Variants in NPC1 observed in about 807,000 individuals in gnomAD.
The protein encoded by NPC1 is Niemann-Pick C1 protein.
A neutral mutation model predicts 140.4 loss-of-function variants in NPC1; 85 were observed. The ratio of observed to expected loss-of-function variants is 0.61; its 90% CI spans 0.51 to 0.72. The LOEUF (loss-of-function observed/expected upper bound fraction) is 0.72, where lower values mean the gene tolerates loss of function less well. NPC1 is among the 30% of genes least tolerant of loss of function. The pLI is 0.00. For missense variants in NPC1, 1,504 were observed against 1,623.8 expected, an observed-to-expected ratio of 0.93 and a Z score of 1.27; for synonymous variants, 656 against 624.8, an observed-to-expected ratio of 1.05 and a Z score of -0.74.
At chr18:23,542,069 G>A (rs958058475) in intron 14 of NPC1, among the ~76,000 whole-genome samples, 1 of 152,070 alleles carries the variant, frequency 6.6e-6, no homozygotes, top group Non-Finnish European at 1.5e-5. Context: ...CACAGACCTT[G>A]TAGCACTGGG....
intron 3 of NPC1, chr18:23,516,063 A>G: frequency 6.2e-7 from 1 of 1,605,494 alleles, no homozygotes; most frequent in Non-Finnish European, 8.5e-7. Context: ...TAGCATCCTA[A>G]TGTGTCAGGC....
intron 1 of NPC1, among the ~76,000 whole-genome samples, chr18:23,579,100 T>C (rs1269260335): frequency 6.6e-6 from 1 of 152,230 alleles, no homozygotes; most frequent in African/African-American, 2.4e-5. Flanking sequence ...CCTATCACTC[T>C]AACTGCCTAC....
At chr18:23,566,954 TG>T (rs1461147940) in intron 4 of NPC1, among the ~76,000 whole-genome samples, 1 of 152,242 alleles carries the variant, frequency 6.6e-6, no homozygotes, top group Non-Finnish European at 1.5e-5. Context: ...AGATTGGCTT[TG>T]CTTAGTAATA....
intron 10 of NPC1, among the ~76,000 whole-genome samples, chr18:23,549,014 A>ACT (rs2058829341): frequency 6.6e-6 from 1 of 152,098 alleles, no homozygotes; most frequent in African/African-American, 2.4e-5. Flanking sequence ...GACTTGAACT[A>ACT]CTGGGCTCAA....
chr18:23,539,263 G>A (rs2058677054), intron 19 of NPC1, 92 bp downstream of exon 19: 8 of 810,850 alleles, frequency 9.9e-6, no homozygotes, highest in Non-Finnish European at 8.5e-6. Context: ...TATACAAATA[G>A]GTATAAACTG....
intron 9 of NPC1, among the ~76,000 whole-genome samples, chr18:23,552,021 A>AG (rs1407418307): frequency 1.3e-5 from 2 of 152,216 alleles, no homozygotes; most frequent in African/African-American, 4.8e-5. Flanking sequence ...CAAGAGGAAG[A>AG]GACTGTACAG....
chr18:23,567,355 CGTT>C (rs1469780240), intron 4 of NPC1, among the ~76,000 whole-genome samples: 3 of 152,098 alleles, frequency 2.0e-5, no homozygotes, highest in Non-Finnish European at 2.9e-5. Flanking sequence ...AGTGGTATCT[CGTT>C]GTTTTAATTT....
At position 23,539,871 on chromosome 18, in the gene NPC1, A is replaced by G. The variant is rs781705801; in HGVS notation, c.2735T>C (p.Met912Thr). The change falls in exon 18 of 25, where the codon ATG becomes ACG. Residue 912 changes from methionine to threonine, a missense_variant. Physicochemically the swap from Met to Thr is moderately conservative, Grantham distance 81. Transcript: ENST00000269228. Reference protein sequence around the residue: ...SKGQNMVCGGMGCNNDSLVQQ... With the variant: ...SKGQNMVCGGTGCNNDSLVQQ... The stretch of plus-strand genomic sequence containing the variant: ...CACCAGGGAATCATTGTTGCAGCCC[A>G]TGCCGCCGCACACCATGTTCTGCCC... 1 of 1,614,230 alleles carries G rather than the reference A, an allele frequency of 6.2e-7. No individual in the cohort carries two copies. Among genetic ancestry groups the G allele is most frequent in the Admixed American group, 1.7e-5 (1 of 60,030 alleles).
In NPC1 at chr18:23,531,862, A is replaced by G. The variant is rs2058521816; in HGVS notation, c.*340T>C. 2 of 1,449,200 alleles carry G rather than the reference A, an allele frequency of 1.4e-6. No homozygotes were observed. Among genetic ancestry groups the G allele is most frequent in the Admixed American group, 2.8e-5 (1 of 35,852 alleles). The allele number at this position is 1,449,200 out of a possible 1,614,324, so 89.8% of individuals were successfully genotyped here. A position where few individuals can be genotyped will look rare whatever the true frequency, so the allele number is the denominator to read the frequency against. ...TGTGGGATGGCTTACTCCTAAAAGG[A>G]GAGACAGACAGTGCATTGATTGGCC... On this transcript the variant is annotated 3_prime_UTR_variant, in exon 25 of 25. Coordinates refer to ENST00000269228, the MANE Select transcript of NPC1 (RefSeq NM_000271.5).
chr18:23,533,551 T>C (rs780319753), intron 23 of NPC1, 34 bp from the exon 24 acceptor site: 1 of 1,602,414 alleles, frequency 6.2e-7, no homozygotes, highest in South Asian at 1.1e-5. Context: ...GAAACCACTT[T>C]TACCAACCTG....
chr18:23,566,269 T>A (rs1022751424), intron 4 of NPC1, among the ~76,000 whole-genome samples: 2 of 152,056 alleles, frequency 1.3e-5, no homozygotes, highest in Non-Finnish European at 2.9e-5. Context: ...TGGTAGCATA[T>A]GCCTGTGGTT....
chr18:23,520,407 G>A, downstream of NPC1: 1 of 1,029,380 alleles, frequency 9.7e-7, no homozygotes, highest in Non-Finnish European at 1.5e-6. Flanking sequence ...AAAGTGGAGT[G>A]AGGAATAAAC....
Position 23,531,848 on chromosome 18 carries a change from T to TAG in NPC1, c.*353_*354insCT, listed in dbSNP as rs1231924701. 1.2e-5 allele frequency: 18 copies of TAG among 1,459,096 alleles called. No homozygotes were observed. Among genetic ancestry groups the TAG allele is most frequent in the Non-Finnish European group, 1.5e-5 (17 of 1,114,468 alleles). The allele number at this position is 1,459,096 out of a possible 1,614,324, so 90.4% of individuals were successfully genotyped here. A position where few individuals can be genotyped will look rare whatever the true frequency, so the allele number is the denominator to read the frequency against. On this transcript the variant is annotated 3_prime_UTR_variant, in exon 25 of 25. Coordinates refer to ENST00000269228, the MANE Select transcript of NPC1 (RefSeq NM_000271.5). Reference sequence around the variant, plus strand: ...TATGGTATAGAACTTGTGGGATGGCTTACTCCTAAAAGGAGAGACAGACAG... The same window carrying TAG: ...TATGGTATAGAACTTGTGGGATGGCTAGTACTCCTAAAAGGAGAGACAGACAG...
intron 10 of NPC1, among the ~76,000 whole-genome samples, chr18:23,550,574 C>T (rs1306373648): frequency 7.2e-6 from 1 of 138,856 alleles, no homozygotes; most frequent in Non-Finnish European, 1.5e-5. Context: ...CTCTGCCTCC[C>T]GGGTTCACAC....
Position 23,568,796 on chromosome 18 carries a change from AAG to A in NPC1, c.463+25_463+26del, listed in dbSNP as rs1208892236. ...TCTGCTGTCCTGATGCCAGCTGTAA[AAG>A]AGGAATAATTAAAAGTTTACTTACC... On this transcript the variant is annotated intron_variant, in intron 4 of 24. Coordinates refer to ENST00000269228, the MANE Select transcript of NPC1 (RefSeq NM_000271.5). The A allele has an allele frequency of 2.5e-6, 4 of 1,589,542 alleles. No homozygotes were observed. In the South Asian group the frequency reaches 3.3e-5, roughly 13 times the overall value.
rs1157753581 is a variant in NPC1, at chr18:23,572,151, A to G, written c.210T>C (p.Asn70=). The part of the protein sequence containing the change: ...QELCPGFFFG[N]VSLCCDVRQL... ...GCCGAACATCACAACAGAGACTGAC[A>G]TTGCCAAAGAAGAATCCTGGACAGA... The change falls in exon 3 of 25, where the codon AAT becomes AAC. Residue 70 remains asparagine, a synonymous_variant. Transcript: ENST00000269228. 3.1e-6 allele frequency: 5 copies of G among 1,613,342 alleles called. No individual in the cohort carries two copies. Among genetic ancestry groups the G allele is most frequent in the East Asian group, 4.5e-5 (2 of 44,868 alleles).
intron 1 of NPC1, among the ~76,000 whole-genome samples, chr18:23,585,667 A>G (rs1185041635): frequency 6.6e-6 from 1 of 152,212 alleles, no homozygotes; most frequent in Non-Finnish European, 1.5e-5. Context: ...TCAGCAGGAC[A>G]CCGAGTTCCA....
At chr18:23,567,154 G>GT (rs1344081095) in intron 4 of NPC1, among the ~76,000 whole-genome samples, 3 of 152,170 alleles carry the variant, frequency 2.0e-5, no homozygotes, top group Admixed American at 2.0e-4. Flanking sequence ...CCACGTGCAG[G>GT]TTTTGGGGTA....
chr18:23,586,264 C>T, intron 1 of NPC1, 23 bp downstream of exon 1: 1 of 1,531,616 alleles, frequency 6.5e-7, no homozygotes, highest in Non-Finnish European at 8.7e-7. Context: ...CACAGGGCGT[C>T]CCGGTGGCCG....
Sources: allele counts gnomAD v4.1 joint callset (sites outside exome capture counted in the v4.1 genomes callset), GRCh38; gene constraint gnomAD v4.1.1; transcripts MANE v1.5; gene names NCBI Gene and HGNC (gene_info 2026-07-23, HGNC 2026-07-21).